NPR3: variants seen among roughly 807,000 people sequenced by gnomAD.
NPR3 encodes natriuretic peptide receptor 3.
A neutral mutation model predicts 54.5 loss-of-function variants in NPR3; 34 were observed. That is an observed-to-expected ratio of 0.62 (90% CI 0.47 to 0.83). The LOEUF (loss-of-function observed/expected upper bound fraction) is 0.83, where lower values mean the gene tolerates loss of function less well. Among genes scored for constraint, NPR3 ranks in the 40% least tolerant of loss-of-function variants. NPR3 has a pLI of 0.00. For missense variants in NPR3, 674 were observed against 720.8 expected (o/e 0.94, Z 0.74); for synonymous variants, 289 against 297.1 (o/e 0.97, Z 0.28).
intron 3 of NPR3, among the ~76,000 whole-genome samples, chr5:32,759,722 A>C (rs573096133): frequency 2.2e-4 from 34 of 152,234 alleles, no homozygotes; most frequent in African/African-American, 8.2e-4. Flanking sequence ...ACAATTTGGC[A>C]TGTTTTTGCA....
At position 32,790,510 on chromosome 5, in the gene NPR3, T is replaced by C. The variant is rs1345597; in HGVS notation, c.*4165T>C. 63,735 of 166,432 alleles carry C rather than the reference T, an allele frequency of 0.38. 13,399 individuals carry two copies. Among genetic ancestry groups the C allele is most frequent in the East Asian group, 0.64 (3,318 of 5,148 alleles). 10.3% of individuals were successfully genotyped at this position (166,432 alleles called of 1,614,324 possible). On this transcript the variant is annotated 3_prime_UTR_variant, in exon 8 of 8. Coordinates refer to ENST00000265074, the MANE Select transcript of NPR3 (RefSeq NM_001204375.2). Reference sequence around the variant, plus strand: ...AGCTGGCTTTTCATCAGAACCCTTATGCTAACCTGACCACACTTGCTCTCG... The same window carrying C: ...AGCTGGCTTTTCATCAGAACCCTTACGCTAACCTGACCACACTTGCTCTCG...
intron 1 of NPR3, among the ~76,000 whole-genome samples, chr5:32,701,698 T>C (rs949955329): frequency 3.9e-5 from 6 of 152,200 alleles, no homozygotes; most frequent in Non-Finnish European, 7.3e-5. Flanking sequence ...TATTGTAATC[T>C]AAGTTTTTGG....
At chr5:32,758,844 C>A (rs1462351516) in intron 3 of NPR3, among the ~76,000 whole-genome samples, 1 of 152,118 alleles carries the variant, frequency 6.6e-6, no homozygotes, top group African/African-American at 2.4e-5. Flanking sequence ...TTTATTTCTG[C>A]CTTCATTTCG....
chr5:32,728,116 G>A (rs1182883851), intron 2 of NPR3, among the ~76,000 whole-genome samples: 1 of 152,178 alleles, frequency 6.6e-6, no homozygotes, highest in African/African-American at 2.4e-5. Context: ...TTGAGTTTAA[G>A]TTTTTAGTGT....
At chr5:32,712,809 C>T (rs1202064699) in intron 1 of NPR3, among the ~76,000 whole-genome samples, 3 of 152,226 alleles carry the variant, frequency 2.0e-5, no homozygotes, top group Non-Finnish European at 4.4e-5. Flanking sequence ...CCAACAGGTG[C>T]TGTCAAACAC....
intron 1 of NPR3, among the ~76,000 whole-genome samples, chr5:32,718,280 T>C (rs891771913): frequency 4.6e-5 from 7 of 152,230 alleles, no homozygotes; most frequent in African/African-American, 1.7e-4. Flanking sequence ...GCATGATGCC[T>C]ATAACTTTGT....
At chr5:32,741,482 T>C (rs114755193) in intron 3 of NPR3, among the ~76,000 whole-genome samples, 4,570 of 152,258 alleles carry the variant, frequency 0.03, 80 homozygotes, top group Middle Eastern at 0.088. Context: ...TCTGTGTTCA[T>C]AATATTAAAT....
chr5:32,743,537 T>C (rs536515052), intron 3 of NPR3, among the ~76,000 whole-genome samples: 12 of 152,328 alleles, frequency 7.9e-5, no homozygotes, highest in African/African-American at 2.6e-4. Context: ...GTGAGTTGCA[T>C]TAGTAGATGT....
intron 2 of NPR3, among the ~76,000 whole-genome samples, chr5:32,727,359 C>A (rs375611170): frequency 6.6e-6 from 1 of 152,166 alleles, no homozygotes; most frequent in South Asian, 2.1e-4. Flanking sequence ...AACTCCTGGG[C>A]TCAAGTGATC....
At chr5:32,754,963 C>T (rs1299468656) in intron 3 of NPR3, among the ~76,000 whole-genome samples, 2 of 152,220 alleles carry the variant, frequency 1.3e-5, no homozygotes, top group Non-Finnish European at 2.9e-5. Flanking sequence ...CAGGTTCACG[C>T]CATTCTCCTG....
intron 1 of NPR3, among the ~76,000 whole-genome samples, 171 bp downstream of exon 1, chr5:32,712,716 C>G (rs781299643): frequency 5.9e-5 from 9 of 152,228 alleles, no homozygotes; most frequent in East Asian, 1.9e-4. Flanking sequence ...CTTTGACGAC[C>G]GCCCATCGCG....
upstream of NPR3, among the ~76,000 whole-genome samples, chr5:32,705,660 T>C (rs1231049508): frequency 3.9e-5 from 6 of 152,072 alleles, no homozygotes. Context: ...CATGAGAAAC[T>C]GCCCCCGTGA....
rs766570427 is a variant in NPR3, at chr5:32,712,331, C to A, written c.555C>A (p.Gly185=). The change falls in exon 1 of 8, where the codon GGC becomes GGA. Residue 185 remains glycine (G), a synonymous_variant. Transcript: ENST00000265074. ...TRVAPAYAKM[G]EMMLALFRHH... ...TGGCGCCCGCCTACGCCAAGATGGG[C>A]GAGATGATGCTCGCCCTGTTCCGCC... The A allele has an allele frequency of 6.2e-7, 1 of 1,613,294 alleles. No individual in the cohort carries two copies. The highest frequency in any genetic ancestry group is 8.5e-7 in the Non-Finnish European group (1 of 1,179,662).
chr5:32,710,632 GC>G, upstream of NPR3: 1 of 1,460,582 alleles, frequency 6.8e-7, no homozygotes, highest in South Asian at 1.4e-5. Flanking sequence ...TGTAGGTGAC[GC>G]CCGGGCCAGC....
At chr5:32,696,892 G>A (rs1402690998) in intron 1 of NPR3, among the ~76,000 whole-genome samples, 1 of 151,972 alleles carries the variant, frequency 6.6e-6, no homozygotes, top group Non-Finnish European at 1.5e-5. Flanking sequence ...TACCTTTTGT[G>A]GAGTCTTTAC....
upstream of NPR3, chr5:32,710,886 GTGTGTATA>G: frequency 5.4e-6 from 5 of 932,250 alleles, no homozygotes; most frequent in Non-Finnish European, 7.1e-6. Context: ...CACGGTGTGT[GTGTGTATA>G]TGTGTGTGTG....
chr5:32,728,848 T>TAC lies in NPR3; in HGVS notation c.892+4029_892+4030insCA, dbSNP rs1237574107. 2.0e-3 allele frequency among the ~76,000 whole-genome samples: 240 copies of TAC among 117,440 alleles called. 1 individual carries two copies. The highest frequency in any genetic ancestry group is 3.6e-3 in the Non-Finnish European group (211 of 58,824). 77.0% of individuals were successfully genotyped at this position (117,440 alleles called of 152,430 possible). A position where few individuals can be genotyped will look rare whatever the true frequency, so the allele number is the denominator to read the frequency against. On this transcript the variant is annotated intron_variant, in intron 2 of 7. Coordinates refer to ENST00000265074, the MANE Select transcript of NPR3 (RefSeq NM_001204375.2). ...GTGTGTGTGTGTGTGTATATATATA[T>TAC]ATATATATATATATATATATATATA...
intron 4 of NPR3, among the ~76,000 whole-genome samples, chr5:32,780,360 A>G (rs1742273059): frequency 6.6e-6 from 1 of 152,232 alleles, no homozygotes; most frequent in South Asian, 2.1e-4. Context: ...TGACAAATCT[A>G]TAAATGTACC....
intron 1 of NPR3, among the ~76,000 whole-genome samples, chr5:32,700,940 T>C (rs1156868183): frequency 6.6e-6 from 1 of 152,212 alleles, no homozygotes; most frequent in African/African-American, 2.4e-5. Context: ...TCAAATGGTA[T>C]TTCTAGTTCT....
Sources: gnomAD v4.1 joint callset for allele counts (sites outside exome capture counted in the v4.1 genomes callset) on GRCh38, gnomAD v4.1.1 for gene constraint, MANE v1.5 for transcripts, NCBI Gene and HGNC (gene_info 2026-07-23, HGNC 2026-07-21) for gene names.